The following AGBL1 variants were observed in gnomAD, a reference collection of about 807,000 sequenced individuals.
AGBL1 encodes the protein cytosolic carboxypeptidase 4.
In AGBL1, 130 loss-of-function variants were observed where a neutral mutation model predicts 118.9. The observed-to-expected ratio is 1.09, with a 90% CI of 0.95 to 1.26. AGBL1 has a LOEUF of 1.26. Ranked by LOEUF, AGBL1 falls within the 50% of genes most tolerant of loss-of-function variation. AGBL1 has a pLI of 0.00. For missense variants in AGBL1, 1,584 were observed against 1,298.1 expected, an observed-to-expected ratio of 1.22 and a Z score of -3.38; for synonymous variants, 555 against 478.9, an observed-to-expected ratio of 1.16 and a Z score of -2.08.
chr15:86,186,233 A>G (rs752276671), intron 5 of AGBL1, among the ~76,000 whole-genome samples: 7 of 142,900 alleles, frequency 4.9e-5, no homozygotes, highest in Non-Finnish European at 1.1e-4. Context: ...GGGGCGGGGC[A>G]TGGGGAGGGA....
chr15:86,994,430 A>ATAGT (rs1009796210), intron 24 of AGBL1, among the ~76,000 whole-genome samples: 10 of 152,266 alleles, frequency 6.6e-5, no homozygotes, highest in African/African-American at 1.9e-4. Flanking sequence ...TCAATTATGA[A>ATAGT]TAGTTAGAAA....
chr15:86,719,061 A>T (rs899045258), intron 22 of AGBL1, among the ~76,000 whole-genome samples: 1 of 152,128 alleles, frequency 6.6e-6, no homozygotes, highest in African/African-American at 2.4e-5. Flanking sequence ...GAGAAAAAAA[A>T]GTTCATGGGA....
Position 86,827,356 on chromosome 15 carries a change from T to C in AGBL1, c.3159-79731T>C, listed in dbSNP as rs75808401. On this transcript the variant is annotated intron_variant, in intron 22 of 22. Transcript: ENST00000614907. ...ATATATATGTGTATATATATATATA[T>C]ATATATGTGTGTGTATATATATATA... Among the ~76,000 whole-genome samples the C allele has an allele frequency of 9.2e-3, 90 of 9,824 alleles. 13 individuals are homozygous for C. The highest frequency in any genetic ancestry group is 0.11 in the Middle Eastern group (2 of 18). The allele number at this position is 9,824 out of a possible 152,430, so 6.4% of individuals were successfully genotyped here.
At chr15:86,655,316 G>A (rs1418875981) in intron 21 of AGBL1, among the ~76,000 whole-genome samples, 1 of 152,100 alleles carries the variant, frequency 6.6e-6, no homozygotes, top group Non-Finnish European at 1.5e-5. Flanking sequence ...ATACACAATA[G>A]GAAAATAGAA....
At chr15:86,518,098 C>T (rs1262491953) in intron 18 of AGBL1, among the ~76,000 whole-genome samples, 2 of 152,140 alleles carry the variant, frequency 1.3e-5, no homozygotes, top group African/African-American at 4.8e-5. Flanking sequence ...GGCTCTATCC[C>T]TCTGTTTTTC....
chr15:86,517,244 G>A (rs931518345), intron 18 of AGBL1, among the ~76,000 whole-genome samples: 4 of 152,204 alleles, frequency 2.6e-5, no homozygotes, highest in African/African-American at 9.6e-5. Flanking sequence ...CTTTGTGAAT[G>A]TTAATTTTCT....
At chr15:86,810,754 A>C (rs956420452) in intron 22 of AGBL1, among the ~76,000 whole-genome samples, 1 of 152,038 alleles carries the variant, frequency 6.6e-6, no homozygotes, top group Non-Finnish European at 1.5e-5. Context: ...CTTACTCTTA[A>C]ATTTCAGCTT....
chr15:86,340,060 T>C (rs1269901322), intron 17 of AGBL1, among the ~76,000 whole-genome samples: 1 of 152,240 alleles, frequency 6.6e-6, no homozygotes, highest in African/African-American at 2.4e-5. Flanking sequence ...AGCATTTTTA[T>C]GATAACTGCT....
At chr15:86,238,108 C>G (rs1042431735) in intron 6 of AGBL1, among the ~76,000 whole-genome samples, 4 of 152,184 alleles carry the variant, frequency 2.6e-5, no homozygotes, top group Admixed American at 6.5e-5. Context: ...AAAGCAGCCA[C>G]CCTACCTCAT....
chr15:86,618,303 A>G (rs1399267111), intron 21 of AGBL1, among the ~76,000 whole-genome samples: 2 of 152,208 alleles, frequency 1.3e-5, no homozygotes, highest in African/African-American at 4.8e-5. Context: ...TTTGCAAGCC[A>G]TTAGGATGAG....
intron 1 of AGBL1, among the ~76,000 whole-genome samples, chr15:86,125,963 C>T (rs576160519): frequency 9.8e-5 from 15 of 152,292 alleles, no homozygotes; most frequent in Middle Eastern, 3.4e-3. Context: ...TGATCCTACA[C>T]AGCTGCAGAT....
intron 23 of AGBL1, among the ~76,000 whole-genome samples, chr15:86,925,640 T>G (rs967461917): frequency 1.3e-5 from 2 of 152,114 alleles, no homozygotes; most frequent in Non-Finnish European, 2.9e-5. Flanking sequence ...AAATAGGTGC[T>G]GACAGGCTTC....
intron 9 of AGBL1, among the ~76,000 whole-genome samples, chr15:86,258,591 T>C (rs1378473325): frequency 1.3e-5 from 2 of 152,182 alleles, no homozygotes; most frequent in African/African-American, 4.8e-5. Flanking sequence ...AAAGGTCCAA[T>C]AGTAATTATT....
Position 86,907,412 on chromosome 15 carries a change from G to A in AGBL1, c.*118G>A, listed in dbSNP as rs35226484. 7,033 of 152,314 alleles carry A rather than the reference G, an allele frequency of 0.046. 214 individuals are homozygous for A. Among genetic ancestry groups the A allele is most frequent in the Admixed American group, 0.081 (1,237 of 15,296 alleles). 9.4% of individuals were successfully genotyped at this position (152,314 alleles called of 1,614,324 possible). ...ATATGTCAGTGCAAAAAGCCAGCCT[G>A]TGTGAGCTCAGCAACCCCATTTCCA... is the stretch of plus-strand genomic sequence containing the variant. On this transcript the variant is annotated 3_prime_UTR_variant, in exon 23 of 23. Transcript: ENST00000614907.
intron 17 of AGBL1, among the ~76,000 whole-genome samples, chr15:86,305,894 C>G (rs1041502936): frequency 6.6e-6 from 1 of 152,158 alleles, no homozygotes; most frequent in African/African-American, 2.4e-5. Flanking sequence ...TTCTGTGCTA[C>G]CACTTTACAC....
intron 24 of AGBL1, among the ~76,000 whole-genome samples, chr15:87,018,933 T>G (rs149797695): frequency 9.4e-4 from 142 of 151,788 alleles, no homozygotes; most frequent in African/African-American, 3.3e-3. Flanking sequence ...GGAGGAAAAT[T>G]TACCAAATGG....
intron 20 of AGBL1, among the ~76,000 whole-genome samples, chr15:86,552,006 CAG>C (rs200629023): frequency 0.012 from 1,827 of 152,236 alleles, 25 homozygotes; most frequent in Non-Finnish European, 0.02. Flanking sequence ...AGGTGGAACA[CAG>C]GGGATTCTTA....
intron 15 of AGBL1, among the ~76,000 whole-genome samples, chr15:86,273,689 C>A (rs2079198115): frequency 6.6e-6 from 1 of 152,106 alleles, no homozygotes; most frequent in Non-Finnish European, 1.5e-5. Flanking sequence ...ACTTTACTTC[C>A]CTATTTCCTT....
chr15:86,248,628 T>G (rs1485849671), intron 7 of AGBL1, among the ~76,000 whole-genome samples: 2 of 152,166 alleles, frequency 1.3e-5, no homozygotes, highest in Admixed American at 1.3e-4. Context: ...GTGCTTGCCA[T>G]GACTGAACTG....
Sources: allele counts gnomAD v4.1 joint callset (sites outside exome capture counted in the v4.1 genomes callset), GRCh38; gene constraint gnomAD v4.1.1; transcripts MANE v1.5; gene names NCBI Gene and HGNC (gene_info 2026-07-23, HGNC 2026-07-21).